Variants in TRIM67 observed in about 807,000 individuals in gnomAD.
TRIM67 encodes the protein tripartite motif containing 67, also known as tripartite motif-containing protein 67.
In TRIM67, 39 loss-of-function variants were observed where a neutral mutation model predicts 71.0. The observed-to-expected ratio is 0.55, with a 90% CI of 0.43 to 0.72. The LOEUF (loss-of-function observed/expected upper bound fraction) is 0.72. Among genes scored for constraint, TRIM67 ranks in the 30% least tolerant of loss-of-function variants. TRIM67 has a pLI of 0.00. For synonymous variants in TRIM67, 481 were observed against 473.9 expected, an observed-to-expected ratio of 1.01 and a Z score of -0.19; for missense variants, 973 against 1,079.2, an observed-to-expected ratio of 0.90 and a Z score of 1.38.
In TRIM67 at chr1:231,218,172, G is replaced by A. The variant is rs2102770644; in HGVS notation, c.*2732G>A. On this transcript the variant is annotated 3_prime_UTR_variant, in exon 10 of 10. Transcript: ENST00000366653. ...GGAACTTATCAATTCCTCATGGCCA[G>A]GAAGGTCCCGGGTTTCAGAGTAGAA... 1 of 1,028,044 alleles carries A rather than the reference G, an allele frequency of 9.7e-7. No individual in the cohort carries two copies. The highest frequency in any genetic ancestry group is 1.2e-6 in the Non-Finnish European group (1 of 854,296). 63.7% of individuals were successfully genotyped at this position (1,028,044 alleles called of 1,614,324 possible).
At chr1:231,177,034 G>T (rs1462251138) in intron 1 of TRIM67, among the ~76,000 whole-genome samples, 2 of 152,068 alleles carry the variant, frequency 1.3e-5, no homozygotes, top group African/African-American at 2.4e-5. Context: ...TTCCCAGGAG[G>T]AAAAGGGCAG....
intron 1 of TRIM67, among the ~76,000 whole-genome samples, chr1:231,196,384 G>A (rs1219426404): frequency 1.3e-5 from 2 of 152,076 alleles, no homozygotes; most frequent in Non-Finnish European, 2.9e-5. Flanking sequence ...AAGGTGGAAG[G>A]ATCACTTGAG....
rs142580907 is a variant in TRIM67, at chr1:231,203,980, G to C, written c.1648G>C (p.Glu550Gln). 319 of 1,614,004 alleles carry C rather than the reference G, an allele frequency of 2.0e-4. 2 individuals are homozygous for C. In the African/African-American group the frequency reaches 3.9e-3, roughly 20 times the overall value. ...CAGCCCCGTGGACGGCTACATCCTG[G>C]AGCTGGACGACGGTGCCGGGGGACA... ...THSPVDGYIL[E>Q]LDDGAGGQFR... The change falls in exon 6 of 10, where the codon GAG becomes CAG. Residue 550 changes from glutamate to glutamine, a missense_variant. Glu to Gln is a conservative substitution (Grantham distance 29, BLOSUM62 2). Transcript: ENST00000366653.
Position 231,163,342 on chromosome 1 carries a change from G to C in TRIM67, c.373G>C (p.Val125Leu). Residue 125 changes from valine (V) to leucine (L), a missense_variant, in exon 1 of 10, where the codon GTT becomes CTT. By Grantham distance (32) the Val-to-Leu change is conservative. This residue lies in a region of TRIM67 where 795 missense variants were observed against 831.3 expected (regional missense o/e 0.96). Transcript: ENST00000366653. Reference sequence around the variant, plus strand: ...CCCGAGCCTCAAGTCCCCCAACGGGGTTCGCGTGCTGCCCATGGTGCCCGC... The same window carrying C: ...CCCGAGCCTCAAGTCCCCCAACGGGCTTCGCGTGCTGCCCATGGTGCCCGC... Reference protein sequence around the residue: ...YTPSLKSPNGVRVLPMVPAPP... With the variant: ...YTPSLKSPNGLRVLPMVPAPP... The C allele has an allele frequency of 6.5e-7, 1 of 1,529,808 alleles. No homozygotes were observed. Among genetic ancestry groups the C allele is most frequent in the Non-Finnish European group, 8.8e-7 (1 of 1,138,184 alleles). The allele number at this position is 1,529,808 out of a possible 1,614,324, so 94.8% of individuals were successfully genotyped here. A position where few individuals can be genotyped will look rare whatever the true frequency, so the allele number is the denominator to read the frequency against.
In TRIM67 at chr1:231,215,822, T is replaced by C; in HGVS notation, c.*382T>C. On this transcript the variant is annotated 3_prime_UTR_variant, in exon 10 of 10. Transcript: ENST00000366653. ...AAGGTAGACTTTGAGACTGGCCTCC[T>C]GAGAGCGGCAGTCAGGAGCTGCGCT... 1 of 1,023,406 alleles carries C rather than the reference T, an allele frequency of 9.8e-7. No homozygotes were observed. Among genetic ancestry groups the C allele is most frequent in the Non-Finnish European group, 1.2e-6 (1 of 855,230 alleles). The allele number at this position is 1,023,406 out of a possible 1,614,324, so 63.4% of individuals were successfully genotyped here. A position where few individuals can be genotyped will look rare whatever the true frequency, so the allele number is the denominator to read the frequency against.
chr1:231,210,929 TTCAGCTAC>T (rs1683849453), intron 8 of TRIM67, among the ~76,000 whole-genome samples: 4 of 145,088 alleles, frequency 2.8e-5, no homozygotes, highest in Non-Finnish European at 6.0e-5. Context: ...TACCTGTAGT[TTCAGCTAC>T]TTGGGAGGCC....
intron 1 of TRIM67, among the ~76,000 whole-genome samples, chr1:231,188,447 C>A (rs1056464141): frequency 6.6e-6 from 1 of 152,180 alleles, no homozygotes; most frequent in South Asian, 2.1e-4. Flanking sequence ...GGACAAGGGT[C>A]CCCTGGAGAA....
intron 5 of TRIM67, among the ~76,000 whole-genome samples, chr1:231,202,356 T>C (rs1017482733): frequency 6.7e-6 from 1 of 149,834 alleles, no homozygotes; most frequent in African/African-American, 2.5e-5. Flanking sequence ...AGGCGAAGAG[T>C]TTTGCAGGCA....
At chr1:231,192,032 G>A (rs536863373) in intron 1 of TRIM67, among the ~76,000 whole-genome samples, 206 of 152,332 alleles carry the variant, frequency 1.4e-3, no homozygotes, top group African/African-American at 4.6e-3. Context: ...GTGAGAGCCA[G>A]GCAAGGTGGC....
intron 8 of TRIM67, 146 bp from the exon 9 acceptor site, chr1:231,213,669 T>A: frequency 2.1e-6 from 2 of 953,700 alleles, no homozygotes; most frequent in Non-Finnish European, 3.1e-6. Context: ...AGGGCGAGGC[T>A]GTTGTGCACC....
Position 231,221,308 on chromosome 1 carries a change from G to A in TRIM67, c.*5868G>A, listed in dbSNP as rs181773863. ...TTCGGTCACTCGTTGTTGGTATTTG[G>A]TGGCAGCTCTTGGTCCTATTGCTGT... On this transcript the variant is annotated 3_prime_UTR_variant, in exon 10 of 10. Transcript: ENST00000366653. 1 of 152,656 alleles carries A rather than the reference G, an allele frequency of 6.6e-6. No homozygotes were observed. Among genetic ancestry groups the A allele is most frequent in the Admixed American group, 6.5e-5 (1 of 15,284 alleles). The allele number at this position is 152,656 out of a possible 1,614,324, so 9.5% of individuals were successfully genotyped here.
intron 1 of TRIM67, among the ~76,000 whole-genome samples, chr1:231,177,446 T>C (rs116575173): frequency 0.015 from 2,213 of 152,308 alleles, 58 homozygotes; most frequent in African/African-American, 0.051. Flanking sequence ...TCTTGATACA[T>C]TGGCAAAGTC....
intron 1 of TRIM67, among the ~76,000 whole-genome samples, chr1:231,178,071 C>A (rs937727453): frequency 6.6e-6 from 1 of 152,080 alleles, no homozygotes; most frequent in African/African-American, 2.4e-5. Flanking sequence ...TTCCAGGGCC[C>A]CATATTGAAA....
chr1:231,184,965 T>C (rs1683020903), intron 1 of TRIM67: 1 of 1,491,398 alleles, frequency 6.7e-7, no homozygotes, highest in South Asian at 1.2e-5. Context: ...GGTTGCTGGA[T>C]AAACACCCAG....
intron 1 of TRIM67, among the ~76,000 whole-genome samples, chr1:231,177,475 C>T (rs914622304): frequency 4.6e-5 from 7 of 152,206 alleles, no homozygotes; most frequent in Non-Finnish European, 1.0e-4. Flanking sequence ...GGTCCTGGGG[C>T]TTCATGCATC....
In TRIM67 at chr1:231,200,270, C is replaced by A. The variant is rs765437008; in HGVS notation, c.1374+12C>A. 6 of 1,569,870 alleles carry A rather than the reference C, an allele frequency of 3.8e-6. No individual in the cohort carries two copies. In the South Asian group the frequency reaches 6.7e-5, roughly 17 times the overall value. On this transcript the variant is annotated intron_variant, in intron 4 of 9. Coordinates refer to ENST00000366653, the MANE Select transcript of TRIM67 (RefSeq NM_001004342.5). Reference sequence around the variant, plus strand: ...CCGGGTTCTTACAGGTGAGCCTGTCCCTGGAAGACACAAAGTGGGCTTCCT... The same window carrying A: ...CCGGGTTCTTACAGGTGAGCCTGTCACTGGAAGACACAAAGTGGGCTTCCT...
chr1:231,202,185 G>GTC (rs1558304141), intron 5 of TRIM67, among the ~76,000 whole-genome samples: 13 of 109,804 alleles, frequency 1.2e-4, no homozygotes, highest in Non-Finnish European at 1.9e-4. Context: ...GGAGGTGGAA[G>GTC]AGGAGGAGGT....
intron 1 of TRIM67, among the ~76,000 whole-genome samples, chr1:231,169,492 G>T (rs1207223237): frequency 7.2e-6 from 1 of 139,134 alleles, no homozygotes; most frequent in Non-Finnish European, 1.5e-5. Context: ...TGATTCTCCT[G>T]CCTCAGCCTC....
chr1:231,163,391 C>T lies in TRIM67; in HGVS notation c.422C>T (p.Ala141Val). The T allele has an allele frequency of 1.3e-6, 2 of 1,535,144 alleles. No individual in the cohort carries two copies. Among genetic ancestry groups the T allele is most frequent in the Non-Finnish European group, 8.8e-7 (1 of 1,142,610 alleles). ...GCACCACCCGGCTCCTCGGCTGCGG[C>T]GGCTCGGGGTGCCGCCTGCTCCTCG... ...VPAPPGSSAAAARGAACSSLS... is the reference protein window; with the variant it reads ...VPAPPGSSAAVARGAACSSLS... The change falls in exon 1 of 10, where the codon GCG becomes GTG. Residue 141 changes from alanine (A) to valine (V), a missense_variant. Transcript: ENST00000366653.
Sources: allele counts gnomAD v4.1 joint callset (sites outside exome capture counted in the v4.1 genomes callset), GRCh38; gene constraint gnomAD v4.1.1; regional missense constraint gnomAD v4.1.1; transcripts MANE v1.5; gene names NCBI Gene and HGNC (gene_info 2026-07-23, HGNC 2026-07-21).